Variants in PRRC2B observed in about 807,000 individuals in gnomAD.
PRRC2B encodes protein PRRC2B.
A neutral mutation model predicts 242.3 loss-of-function variants in PRRC2B; 68 were observed. That is an observed-to-expected ratio of 0.28 (90% CI 0.23 to 0.34). The LOEUF (loss-of-function observed/expected upper bound fraction) is 0.34, where lower values mean the gene tolerates loss of function less well. Among genes scored for constraint, PRRC2B ranks in the 10% least tolerant of loss-of-function variants. The pLI is 1.00. For synonymous variants in PRRC2B, 1,228 were observed against 1,173.6 expected (o/e 1.05, Z -0.95); for missense variants, 2,835 against 2,954.8 (o/e 0.96, Z 0.94).
intron 1 of PRRC2B, among the ~76,000 whole-genome samples, chr9:131,399,276 C>CAA (rs72492020): frequency 0.16 from 7,092 of 44,090 alleles, 499 homozygotes; most frequent in Non-Finnish European, 0.19. Flanking sequence ...AATTCTGTCT[C>CAA]AAAAAAAAAA....
At chr9:131,450,486 C>T (rs926534007) in intron 9 of PRRC2B, among the ~76,000 whole-genome samples, 7 of 152,078 alleles carry the variant, frequency 4.6e-5, no homozygotes, top group African/African-American at 1.4e-4. Context: ...AGGCTGGTCT[C>T]GAACTCCTGA....
In PRRC2B at chr9:131,482,360, G is replaced by C; in HGVS notation, c.4984-11G>C. ...AGTTTGAGGCTATAACCCATTTTGT[G>C]CTCTGCACAGCAGGGTTTTAAGAGC... is the stretch of plus-strand genomic sequence containing the variant. On this transcript the variant is annotated splice_polypyrimidine_tract_variant and intron_variant, in intron 20 of 31. Transcript: ENST00000683519. This position sits in a 1 kb window ranked among gnomAD's most constrained non-coding sequence, Gnocchi z 5.2. 5 of 1,557,594 alleles carry C rather than the reference G, an allele frequency of 3.2e-6. No homozygotes were observed. The highest frequency in any genetic ancestry group is 4.4e-6 in the Non-Finnish European group (5 of 1,146,190).
chr9:131,483,568 T>C, intron 23 of PRRC2B, 123 bp downstream of exon 23: 1 of 825,390 alleles, frequency 1.2e-6, no homozygotes, highest in Middle Eastern at 3.5e-4. Flanking sequence ...TGCTAGCAGC[T>C]CCATGTCCTT....
rs1214995672 is a variant in PRRC2B at position 131,498,639 on chromosome 9, A to T, written c.*2765A>T. 2.0e-5 allele frequency: 3 copies of T among 152,274 alleles called. No individual in the cohort carries two copies. Among genetic ancestry groups the T allele is most frequent in the African/African-American group, 7.2e-5 (3 of 41,474 alleles). The allele number at this position is 152,274 out of a possible 1,614,324, so 9.4% of individuals were successfully genotyped here. ...ATCCTCAGAGCGCAGATACATGCAGAGGCTTCTGCCAGGATACCACGGGGC... is the reference window on the plus strand; with the variant it reads ...ATCCTCAGAGCGCAGATACATGCAGTGGCTTCTGCCAGGATACCACGGGGC... On this transcript the variant is annotated 3_prime_UTR_variant, in exon 32 of 32. Transcript: ENST00000683519.
intron 1 of PRRC2B, among the ~76,000 whole-genome samples, chr9:131,384,152 C>T (rs113559326): frequency 3.4e-5 from 5 of 145,132 alleles, no homozygotes; most frequent in Non-Finnish European, 6.0e-5. Flanking sequence ...TGCAGTGGCA[C>T]GATCTCAGCT....
Position 131,482,854 on chromosome 9 carries a change from C to G in PRRC2B, c.5320C>G (p.His1774Asp). ...CCCGCCTGTTAACGGGGTGGAGATTCACGTGGACTCCGTGCTGCCTGTGCC... is the reference window on the plus strand; with the variant it reads ...CCCGCCTGTTAACGGGGTGGAGATTGACGTGGACTCCGTGCTGCCTGTGCC... ...VVPPVNGVEI[H>D]VDSVLPVPPI... Residue 1774 changes from histidine (H) to aspartate (D), a missense_variant, in exon 22 of 32, where the codon CAC becomes GAC. Transcript: ENST00000683519. The surrounding 1 kb of genome is among the most constrained non-coding windows in gnomAD (Gnocchi z 5.2). The G allele has an allele frequency of 6.2e-7, 1 of 1,608,450 alleles. No homozygotes were observed. The highest frequency in any genetic ancestry group is 1.1e-5 in the South Asian group (1 of 89,968).
At chr9:131,393,722 C>T (rs1836946849), upstream of PRRC2B, among the ~76,000 whole-genome samples, 1 of 151,450 alleles carries the variant, frequency 6.6e-6, no homozygotes, top group South Asian at 2.1e-4. Context: ...TTCCGGGCGC[C>T]CTTCCCCCGG....
intron 14 of PRRC2B, among the ~76,000 whole-genome samples, chr9:131,471,545 T>C (rs985408307): frequency 2.0e-5 from 3 of 152,250 alleles, no homozygotes; most frequent in African/African-American, 7.2e-5. Context: ...TCAGCAAACT[T>C]CTACTAATGA....
chr9:131,382,412 T>A (rs1437746450), intron 1 of PRRC2B, among the ~76,000 whole-genome samples: 2 of 152,086 alleles, frequency 1.3e-5, no homozygotes, highest in Admixed American at 1.3e-4. Flanking sequence ...TGATGGGAAA[T>A]GGAGGGCAAA....
In PRRC2B at chr9:131,476,346, C is replaced by G. The variant is rs377533188; in HGVS notation, c.4217C>G (p.Ser1406Trp). The change falls in exon 16 of 32, where the codon TCG (serine) becomes TGG (tryptophan). Residue 1406 changes from serine (S) to tryptophan (W), a missense_variant. Ser to Trp is a radical substitution (Grantham distance 177). Coordinates refer to ENST00000683519, the MANE Select transcript of PRRC2B (RefSeq NM_013318.4). The stretch of plus-strand genomic sequence containing the variant: ...GACTCCCAGGTGGATGGTGGCCTGT[C>G]GGGGGCTAGTTTGGGTGAGAAGAAG... ...EPDSQVDGGL[S>W]GASLGEKKEL... 1 of 1,588,336 alleles carries G rather than the reference C, an allele frequency of 6.3e-7. No individual in the cohort carries two copies. The highest frequency in any genetic ancestry group is 1.1e-5 in the South Asian group (1 of 87,858).
intron 18 of PRRC2B, 144 bp from the exon 19 acceptor site, chr9:131,479,108 T>G: frequency 1.3e-6 from 1 of 775,970 alleles, no homozygotes; most frequent in Non-Finnish European, 2.0e-6. Context: ...CAGTTCTGCT[T>G]GAGGTTTTGG....
At chr9:131,455,330 G>T (rs191347674) in intron 10 of PRRC2B, among the ~76,000 whole-genome samples, 164 bp downstream of exon 10, 6 of 152,192 alleles carry the variant, frequency 3.9e-5, no homozygotes, top group African/African-American at 1.4e-4. Context: ...TGAAGGAGGG[G>T]AGCCAGGGTT....
chr9:131,486,279 G>A, intron 26 of PRRC2B, 97 bp downstream of exon 26: 1 of 940,984 alleles, frequency 1.1e-6, no homozygotes, highest in Non-Finnish European at 1.6e-6. Flanking sequence ...TTGTCTGTCT[G>A]GTTTTCCATC....
intron 1 of PRRC2B, among the ~76,000 whole-genome samples, chr9:131,429,349 G>A (rs559299085): frequency 6.6e-6 from 1 of 152,332 alleles, no homozygotes; most frequent in African/African-American, 2.4e-5. Flanking sequence ...ACATTAGAAA[G>A]TGGCAGAGGA....
Position 131,470,846 on chromosome 9 carries a change from A to G in PRRC2B, c.1970A>G (p.Gln657Arg), listed in dbSNP as rs745663838. The G allele has an allele frequency of 7.4e-6, 7 of 941,736 alleles. 1 individual carries two copies. The Middle Eastern group carries it at 7.5e-4, about 101-fold the overall frequency. The allele number at this position is 941,736 out of a possible 1,614,324, so 58.3% of individuals were successfully genotyped here. A position where few individuals can be genotyped will look rare whatever the true frequency, so the allele number is the denominator to read the frequency against. The part of the protein sequence containing the change: ...QPVYPPPSHP[Q>R]RTFYPHHPQM... The stretch of plus-strand genomic sequence containing the variant: ...GTGTACCCCCCGCCGTCCCACCCCC[A>G]GCGCACCTTTTACCCACACCACCCC... The change falls in exon 14 of 32, where the codon CAG becomes CGG. Residue 657 changes from glutamine to arginine, a missense_variant. Physicochemically the swap from Gln to Arg is conservative, Grantham distance 43. Around this residue, in one of 7 missense-constraint regions of PRRC2B, gnomAD observed 1,536 missense variants for 1,483.1 expected, o/e 1.04. Transcript: ENST00000683519.
intron 28 of PRRC2B, among the ~76,000 whole-genome samples, chr9:131,488,644 C>G (rs1944095505): frequency 6.6e-6 from 1 of 152,186 alleles, no homozygotes; most frequent in African/African-American, 2.4e-5. Context: ...GGGCTCCTTC[C>G]TTTCTCCCTG....
intron 11 of PRRC2B, among the ~76,000 whole-genome samples, chr9:131,464,313 A>C (rs919571636): frequency 6.6e-6 from 1 of 152,040 alleles, no homozygotes; most frequent in African/African-American, 2.4e-5. Flanking sequence ...GGCTCTTTCT[A>C]CCCAGGGGTT....
chr9:131,480,278 T>C (rs1943820191), intron 19 of PRRC2B, among the ~76,000 whole-genome samples: 1 of 152,238 alleles, frequency 6.6e-6, no homozygotes, highest in Non-Finnish European at 1.5e-5. Context: ...CCTCATGTGC[T>C]CGGTGAAAAC....
intron 11 of PRRC2B, 54 bp from the exon 12 acceptor site, chr9:131,464,709 C>T: frequency 6.8e-7 from 1 of 1,477,888 alleles, no homozygotes; most frequent in Non-Finnish European, 9.0e-7. Context: ...GGAGTGGTTC[C>T]TGTATCCCGG....
Sources: gnomAD v4.1 joint callset for allele counts (sites outside exome capture counted in the v4.1 genomes callset) on GRCh38, gnomAD v4.1.1 for gene constraint, gnomAD v4.1.1 regional missense constraint, Gnocchi (gnomAD v3.1) non-coding constraint, MANE v1.5 for transcripts, NCBI Gene and HGNC (gene_info 2026-07-23, HGNC 2026-07-21) for gene names.